WWOX: variants seen among roughly 807,000 people sequenced by gnomAD.
WWOX encodes the protein WW domain containing oxidoreductase.
WWOX carries 69 observed loss-of-function variants against 46.2 expected under a neutral mutation model. The ratio of observed to expected loss-of-function variants is 1.49; its 90% confidence interval spans 1.23 to 1.82. WWOX has a LOEUF of 1.82. Among genes scored for constraint, WWOX ranks in the 40% most tolerant of loss-of-function variants. The pLI, the probability that WWOX is intolerant of heterozygous loss-of-function variation, is 0.00. For missense variants in WWOX, 919 were observed against 542.6 expected, an observed-to-expected ratio of 1.69 and a Z score of -6.89; for synonymous variants, 359 against 202.6, an observed-to-expected ratio of 1.77 and a Z score of -6.56.
At chr16:78,803,101 A>C (rs1006366054) in intron 8 of WWOX, among the ~76,000 whole-genome samples, 45 of 151,930 alleles carry the variant, frequency 3.0e-4, no homozygotes, top group African/African-American at 1.0e-3. Flanking sequence ...AATCAGTCAT[A>C]GTTTAATATC....
intron 5 of WWOX, among the ~76,000 whole-genome samples, chr16:78,275,850 C>T (rs1290550433): frequency 6.6e-6 from 1 of 152,144 alleles, no homozygotes. Context: ...ATGTCTGGTC[C>T]CAAAGTGGGA....
intron 8 of WWOX, among the ~76,000 whole-genome samples, chr16:79,048,528 A>T (rs368615126): frequency 8.2e-4 from 125 of 152,150 alleles, no homozygotes; most frequent in South Asian, 3.9e-3. Context: ...TATATATATA[A>T]AAATTTGGTA....
chr16:78,993,118 G>C (rs186970108), intron 8 of WWOX, among the ~76,000 whole-genome samples: 2 of 152,042 alleles, frequency 1.3e-5, no homozygotes, highest in African/African-American at 2.4e-5. Context: ...TGTGATGTGT[G>C]TTTAAATTAC....
At chr16:79,035,987 C>T (rs2047858609) in intron 8 of WWOX, among the ~76,000 whole-genome samples, 1 of 152,198 alleles carries the variant, frequency 6.6e-6, no homozygotes, top group Non-Finnish European at 1.5e-5. Flanking sequence ...TGGCTTTTTG[C>T]TTGGCTTAAG....
chr16:78,716,247 A>C (rs1278444220), intron 8 of WWOX, among the ~76,000 whole-genome samples: 1 of 152,090 alleles, frequency 6.6e-6, no homozygotes, highest in Non-Finnish European at 1.5e-5. Flanking sequence ...TGCTATCATG[A>C]ACGGGGGAAT....
intron 5 of WWOX, among the ~76,000 whole-genome samples, chr16:78,362,715 A>G (rs1005003814): frequency 6.6e-6 from 1 of 152,226 alleles, no homozygotes; most frequent in Non-Finnish European, 1.5e-5. Context: ...GTTTCCAGGA[A>G]ACAGCCTCAA....
intron 8 of WWOX, among the ~76,000 whole-genome samples, chr16:78,686,897 GT>G (rs1371272690): frequency 6.6e-6 from 1 of 152,166 alleles, no homozygotes; most frequent in Non-Finnish European, 1.5e-5. Context: ...TCTGTTGACT[GT>G]GCATGAAGCC....
chr16:78,432,990 C>G (rs1231299637), intron 8 of WWOX, among the ~76,000 whole-genome samples: 1 of 151,624 alleles, frequency 6.6e-6, no homozygotes. Flanking sequence ...TTAAGTATGG[C>G]TGAAAGTCCT....
intron 8 of WWOX, among the ~76,000 whole-genome samples, chr16:78,912,611 A>T (rs979975547): frequency 6.6e-6 from 1 of 151,976 alleles, no homozygotes; most frequent in Admixed American, 6.6e-5. Flanking sequence ...TCAGGGGAAA[A>T]CACCTTGTAG....
At chr16:78,817,919 AGACTCT>A (rs1472917531) in intron 8 of WWOX, among the ~76,000 whole-genome samples, 1 of 152,148 alleles carries the variant, frequency 6.6e-6, no homozygotes, top group Non-Finnish European at 1.5e-5. Flanking sequence ...TCCAGGAAGG[AGACTCT>A]GAGTGCAAGT....
At chr16:78,450,460 GA>G (rs1814650279) in intron 8 of WWOX, among the ~76,000 whole-genome samples, 1 of 152,154 alleles carries the variant, frequency 6.6e-6, no homozygotes, top group Non-Finnish European at 1.5e-5. Flanking sequence ...CAAGTAATCT[GA>G]GCTAGAAAGT....
chr16:78,209,182 C>T (rs1276716128), intron 5 of WWOX, among the ~76,000 whole-genome samples: 1 of 152,034 alleles, frequency 6.6e-6, no homozygotes, highest in African/African-American at 2.4e-5. Context: ...ATGGGTAAAA[C>T]CAGTAAATTT....
At chr16:78,358,823 T>G (rs1350433766) in intron 5 of WWOX, among the ~76,000 whole-genome samples, 2 of 151,128 alleles carry the variant, frequency 1.3e-5, no homozygotes, top group African/African-American at 4.9e-5. Context: ...TCTGACTTTT[T>G]AAAATTCAAA....
rs139053090 is a variant in WWOX, at chr16:78,521,581, T to G, written c.1056+88829T>G. On this transcript the variant is annotated intron_variant, in intron 8 of 8. Coordinates refer to ENST00000566780, the MANE Select transcript of WWOX (RefSeq NM_016373.4). ...TTATATTACAGGGTTGTCATGCAAG[T>G]TGATGAATTAAATACGCTAATATAT... 2.3e-3 allele frequency among the ~76,000 whole-genome samples: 357 copies of G among 152,338 alleles called. 2 individuals are homozygous for G. Among genetic ancestry groups the G allele is most frequent in the Non-Finnish European group, 3.6e-3 (245 of 68,026 alleles).
chr16:79,179,145 A>C (rs2050859747), intron 8 of WWOX, among the ~76,000 whole-genome samples: 1 of 152,228 alleles, frequency 6.6e-6, no homozygotes, highest in Non-Finnish European at 1.5e-5. Flanking sequence ...TTAAACTCAC[A>C]AAACCTGGAA....
At chr16:78,825,755 G>A (rs933396173) in intron 8 of WWOX, 24 of 592,650 alleles carry the variant, frequency 4.0e-5, no homozygotes, top group Non-Finnish European at 7.0e-5. Flanking sequence ...GATCCCCAGC[G>A]GAGACCATGT....
At chr16:79,042,857 T>G (rs2047998744) in intron 8 of WWOX, among the ~76,000 whole-genome samples, 1 of 152,210 alleles carries the variant, frequency 6.6e-6, no homozygotes, top group Admixed American at 6.5e-5. Flanking sequence ...AGCTCAAATT[T>G]AATTAAAATA....
chr16:78,848,025 A>G (rs143749182), intron 8 of WWOX, among the ~76,000 whole-genome samples: 1 of 152,330 alleles, frequency 6.6e-6, no homozygotes, highest in East Asian at 1.9e-4. Flanking sequence ...GGTGCCTGGC[A>G]TATGAGTGAG....
chr16:78,927,084 C>T, intron 8 of WWOX, among the ~76,000 whole-genome samples: 1 of 152,220 alleles, frequency 6.6e-6, no homozygotes, highest in East Asian at 1.9e-4. Context: ...GCATGAGCCA[C>T]CATGCCCTGC....
Sources: gnomAD v4.1 joint callset for allele counts (sites outside exome capture counted in the v4.1 genomes callset) on GRCh38, gnomAD v4.1.1 for gene constraint, MANE v1.5 for transcripts, NCBI Gene and HGNC (gene_info 2026-07-23, HGNC 2026-07-21) for gene names.